The following MGAT4C variants were observed in gnomAD, a reference collection of about 807,000 sequenced individuals.
MGAT4C encodes alpha-1,3-mannosyl-glycoprotein 4-beta-N-acetylglucosaminyltransferase C.
MGAT4C carries 19 observed loss-of-function variants against 40.1 expected under a neutral mutation model. The ratio of observed to expected loss-of-function variants is 0.47; its 90% CI spans 0.33 to 0.70. The LOEUF is 0.70. MGAT4C is among the 30% of genes least tolerant of loss of function. MGAT4C has a pLI of 0.02. For missense variants in MGAT4C, 491 were observed against 563.2 expected, an observed-to-expected ratio of 0.87 and a Z score of 1.30; for synonymous variants, 181 against 187.1, an observed-to-expected ratio of 0.97 and a Z score of 0.27.
chr12:86,645,849 T>TAGC (rs1963526819), intron 2 of MGAT4C, among the ~76,000 whole-genome samples: 2 of 151,838 alleles, frequency 1.3e-5, no homozygotes, highest in African/African-American at 4.8e-5. Flanking sequence ...TTCTACTCAA[T>TAGC]ATAGGTAATG....
chr12:86,110,291 A>G (rs1877076032), intron 1 of MGAT4C, among the ~76,000 whole-genome samples: 1 of 36,690 alleles, frequency 2.7e-5, no homozygotes, highest in African/African-American at 1.3e-4. Flanking sequence ...CTATATATAT[A>G]TAGTCTCTCT....
At chr12:86,593,641 GC>G in intron 2 of MGAT4C, among the ~76,000 whole-genome samples, 1 of 152,120 alleles carries the variant, frequency 6.6e-6, no homozygotes, top group Admixed American at 6.5e-5. Flanking sequence ...TCCTTACTTA[GC>G]ATGATGTTTA....
intron 1 of MGAT4C, among the ~76,000 whole-genome samples, chr12:86,222,446 C>T (rs1048375668): frequency 7.9e-5 from 12 of 151,990 alleles, no homozygotes; most frequent in South Asian, 6.2e-4. Context: ...TGACATTGAA[C>T]GAAATAAGAA....
At chr12:86,789,041 A>G (rs977938272) in intron 1 of MGAT4C, among the ~76,000 whole-genome samples, 2 of 152,122 alleles carry the variant, frequency 1.3e-5, no homozygotes, top group Non-Finnish European at 2.9e-5. Context: ...TTCCTGAAAT[A>G]GTATAAAAGG....
At chr12:86,765,131 G>A (rs548114392) in intron 1 of MGAT4C, among the ~76,000 whole-genome samples, 5 of 152,214 alleles carry the variant, frequency 3.3e-5, no homozygotes, top group South Asian at 2.1e-4. Flanking sequence ...AAAATTAGAC[G>A]AATGTATAAC....
chr12:86,191,535 T>C (rs1041539840), intron 1 of MGAT4C, among the ~76,000 whole-genome samples: 1 of 150,888 alleles, frequency 6.6e-6, no homozygotes, highest in Non-Finnish European at 1.5e-5. Flanking sequence ...ACAAAGTGGG[T>C]ACAGAAAAGG....
intron 1 of MGAT4C, among the ~76,000 whole-genome samples, chr12:86,786,624 T>G (rs1193380552): frequency 6.6e-6 from 1 of 152,008 alleles, no homozygotes; most frequent in African/African-American, 2.4e-5. Flanking sequence ...TTGATAAATA[T>G]CTGTGTCAAG....
intron 1 of MGAT4C, among the ~76,000 whole-genome samples, chr12:86,194,035 T>A (rs534555622): frequency 1.7e-4 from 26 of 152,246 alleles, no homozygotes; most frequent in African/African-American, 6.3e-4. Flanking sequence ...AACCTTTTGA[T>A]CATGTCTAAT....
At chr12:86,215,742 C>T (rs903439599) in intron 1 of MGAT4C, among the ~76,000 whole-genome samples, 1 of 151,978 alleles carries the variant, frequency 6.6e-6, no homozygotes, top group African/African-American at 2.4e-5. Context: ...TTTAATTTGT[C>T]TAGTGTTTTC....
In MGAT4C at chr12:86,509,458, C is replaced by T. The variant is rs531859426; in HGVS notation, c.-228-74193G>A. ...TACCAGTACCATGCTGTTTTACTTACTGTAACCTTGTAGTATAGTTTGAAG... is the reference window on the plus strand; with the variant it reads ...TACCAGTACCATGCTGTTTTACTTATTGTAACCTTGTAGTATAGTTTGAAG... On this transcript the variant is annotated intron_variant, in intron 2 of 7. Transcript: ENST00000548651. 5.3e-5 allele frequency among the ~76,000 whole-genome samples: 8 copies of T among 152,298 alleles called. No individual in the cohort carries two copies. In the East Asian group the frequency reaches 7.7e-4, roughly 15 times the overall value.
At chr12:86,595,325 G>T (rs1961491895) in intron 2 of MGAT4C, among the ~76,000 whole-genome samples, 1 of 152,092 alleles carries the variant, frequency 6.6e-6, no homozygotes, top group Non-Finnish European at 1.5e-5. Flanking sequence ...GAGGTCAGGA[G>T]TTCGAGACCA....
At chr12:86,392,680 G>T (rs1464323393) in intron 3 of MGAT4C, among the ~76,000 whole-genome samples, 1 of 152,084 alleles carries the variant, frequency 6.6e-6, no homozygotes, top group Non-Finnish European at 1.5e-5. Context: ...TCTGCAAAAC[G>T]GTGTTGGGAA....
At chr12:85,987,320 G>C (rs898609655) in intron 3 of MGAT4C, among the ~76,000 whole-genome samples, 9 of 150,824 alleles carry the variant, frequency 6.0e-5, no homozygotes, top group Admixed American at 2.0e-4. Context: ...TGTATTTTTA[G>C]TAGAGACGGG....
At chr12:86,698,926 T>C (rs1032088341) in intron 2 of MGAT4C, among the ~76,000 whole-genome samples, 1 of 152,092 alleles carries the variant, frequency 6.6e-6, no homozygotes, top group African/African-American at 2.4e-5. Context: ...TAGAAAAACA[T>C]GCAAGGAAAA....
At position 85,972,476 on chromosome 12, in the gene MGAT4C, T is replaced by C. The variant is rs1351893995; in HGVS notation, c.*6813A>G. The C allele has an allele frequency of 6.6e-6, 1 of 151,084 alleles. No individual in the cohort carries two copies. The highest frequency in any genetic ancestry group is 2.4e-5 in the African/African-American group (1 of 41,354). The allele number at this position is 151,084 out of a possible 1,614,324, so 9.4% of individuals were successfully genotyped here. ...TTAGGAGTTTTAATTATTTTTAATA[T>C]ATTGCTTCTTTATTAAAAAAAGATA... On this transcript the variant is annotated 3_prime_UTR_variant, in exon 5 of 5. Transcript: ENST00000611864.
intron 2 of MGAT4C, among the ~76,000 whole-genome samples, chr12:86,704,917 T>A (rs1298206546): frequency 6.6e-6 from 1 of 152,246 alleles, no homozygotes; most frequent in African/African-American, 2.4e-5. Context: ...TAGCAGCAGC[T>A]TGTTTTAGTT....
intron 1 of MGAT4C, among the ~76,000 whole-genome samples, chr12:86,813,869 A>G (rs1052672021): frequency 4.6e-5 from 7 of 151,954 alleles, no homozygotes; most frequent in Admixed American, 2.6e-4. Context: ...TTCTCTGTAA[A>G]TGTTTTGCAT....
At chr12:86,669,486 C>T (rs556974568) in intron 2 of MGAT4C, among the ~76,000 whole-genome samples, 1 of 152,310 alleles carries the variant, frequency 6.6e-6, no homozygotes, top group African/African-American at 2.4e-5. Flanking sequence ...TTTGGAGGAC[C>T]CATTCTCCTG....
intron 2 of MGAT4C, among the ~76,000 whole-genome samples, chr12:86,597,001 T>C (rs1052253426): frequency 6.6e-6 from 1 of 152,148 alleles, no homozygotes; most frequent in Non-Finnish European, 1.5e-5. Context: ...ACAGATATCA[T>C]AAGATGGACA....
Sources: allele counts gnomAD v4.1 joint callset (sites outside exome capture counted in the v4.1 genomes callset), GRCh38; gene constraint gnomAD v4.1.1; transcripts MANE v1.5; gene names NCBI Gene and HGNC (gene_info 2026-07-23, HGNC 2026-07-21).